SNX29: variants seen among roughly 807,000 people sequenced by gnomAD.
The protein encoded by SNX29 is sorting nexin 29.
A neutral mutation model predicts 102.1 loss-of-function variants in SNX29; 78 were observed. The ratio of observed to expected loss-of-function variants is 0.76; its 90% confidence interval spans 0.64 to 0.92. The LOEUF (loss-of-function observed/expected upper bound fraction) is 0.92. Among genes scored for constraint, SNX29 ranks in the 40% least tolerant of loss-of-function variants. SNX29 has a pLI of 0.00. For missense variants in SNX29, 1,280 were observed against 1,061.7 expected (o/e 1.21, Z -2.86); for synonymous variants, 580 against 414.5 (o/e 1.40, Z -4.85).
chr16:12,469,600 G>A (rs58463230), intron 18 of SNX29, among the ~76,000 whole-genome samples: 10,593 of 152,256 alleles, frequency 0.07, 560 homozygotes, highest in East Asian at 0.16. Context: ...AAAAGATGTG[G>A]TATAGGCTTT....
chr16:12,321,268 C>A (rs1168979858), intron 15 of SNX29, among the ~76,000 whole-genome samples: 1 of 152,182 alleles, frequency 6.6e-6, no homozygotes, highest in Non-Finnish European at 1.5e-5. Context: ...TTGTCTTCTC[C>A]AGCGGCCACC....
At chr16:12,225,997 G>A (rs2077601215) in intron 14 of SNX29, among the ~76,000 whole-genome samples, 1 of 152,130 alleles carries the variant, frequency 6.6e-6, no homozygotes, top group Non-Finnish European at 1.5e-5. Context: ...TCATCCTCCG[G>A]CATTCTAGCA....
At chr16:12,059,189 C>G (rs1285153305) in intron 8 of SNX29, among the ~76,000 whole-genome samples, 2 of 152,118 alleles carry the variant, frequency 1.3e-5, no homozygotes, top group African/African-American at 4.8e-5. Context: ...GGGGAAGGGT[C>G]AAGAATTATC....
chr16:12,500,618 A>G (rs1164091179), intron 19 of SNX29, among the ~76,000 whole-genome samples: 1 of 152,256 alleles, frequency 6.6e-6, no homozygotes, highest in African/African-American at 2.4e-5. Flanking sequence ...GAATGATTCT[A>G]CAATTTTATC....
intron 4 of SNX29, among the ~76,000 whole-genome samples, chr16:12,031,472 C>G (rs966576439): frequency 6.6e-6 from 1 of 151,986 alleles, no homozygotes; most frequent in South Asian, 2.1e-4. Context: ...TTCCCCAGCT[C>G]TCACCCAAGC....
At chr16:11,982,064 G>A (rs985033355) in intron 1 of SNX29, among the ~76,000 whole-genome samples, 2 of 151,706 alleles carry the variant, frequency 1.3e-5, no homozygotes, top group African/African-American at 4.8e-5. Context: ...AAAGCAGGGT[G>A]TAGAATTATA....
intron 18 of SNX29, among the ~76,000 whole-genome samples, chr16:12,422,856 A>T (rs950731371): frequency 6.6e-6 from 1 of 152,234 alleles, no homozygotes; most frequent in Non-Finnish European, 1.5e-5. Context: ...TGGGATTCAC[A>T]GTCTCTCAGG....
intron 13 of SNX29, among the ~76,000 whole-genome samples, chr16:12,145,813 G>C (rs2055044158): frequency 6.6e-6 from 1 of 152,226 alleles, no homozygotes; most frequent in South Asian, 2.1e-4. Flanking sequence ...GTTTGGATAT[G>C]TCCTTGTTTC....
chr16:12,572,515 G>A lies in SNX29; in HGVS notation c.*3886G>A, dbSNP rs552561419. The A allele has an allele frequency of 6.0e-5, 64 of 1,064,036 alleles. No homozygotes were observed. Among genetic ancestry groups the A allele is most frequent in the African/African-American group, 2.3e-4 (14 of 61,072 alleles). 65.9% of individuals were successfully genotyped at this position (1,064,036 alleles called of 1,614,324 possible). A position where few individuals can be genotyped will look rare whatever the true frequency, so the allele number is the denominator to read the frequency against. ...CCAGGCCTCGGCCTTCCTGCTCCAC[G>A]TGCTCAAGCCCCCACAGGGGGCTGC... On this transcript the variant is annotated 3_prime_UTR_variant, in exon 21 of 21. Transcript: ENST00000566228.
At chr16:12,541,293 A>G (rs1180549682) in intron 20 of SNX29, among the ~76,000 whole-genome samples, 1 of 152,180 alleles carries the variant, frequency 6.6e-6, no homozygotes, top group Non-Finnish European at 1.5e-5. Context: ...TACCACTAAC[A>G]GTGGGGATGG....
intron 11 of SNX29, among the ~76,000 whole-genome samples, chr16:12,091,276 C>T (rs545039635): frequency 6.6e-6 from 1 of 152,154 alleles, no homozygotes; most frequent in East Asian, 1.9e-4. Flanking sequence ...CCTTGCCGTT[C>T]CTGGAGACCC....
intron 15 of SNX29, among the ~76,000 whole-genome samples, chr16:12,312,911 T>C (rs1596864388): frequency 1.3e-5 from 2 of 152,118 alleles, no homozygotes; most frequent in East Asian, 3.9e-4. Flanking sequence ...CACAGAAGGC[T>C]GTGTGGCTTG....
chr16:12,486,885 C>G (rs988437240), intron 19 of SNX29, among the ~76,000 whole-genome samples: 6 of 152,166 alleles, frequency 3.9e-5, no homozygotes, highest in African/African-American at 1.4e-4. Context: ...TAATCCTAAA[C>G]TTGTGGGGTG....
At chr16:12,518,563 C>G (rs1002210470) in intron 19 of SNX29, among the ~76,000 whole-genome samples, 2 of 152,212 alleles carry the variant, frequency 1.3e-5, no homozygotes, top group African/African-American at 2.4e-5. Flanking sequence ...CTCTCCAGCC[C>G]TCCTGCAAAC....
intron 20 of SNX29, among the ~76,000 whole-genome samples, chr16:12,557,917 G>T (rs938543413): frequency 2.0e-4 from 30 of 152,124 alleles, no homozygotes; most frequent in Admixed American, 1.6e-3. Flanking sequence ...AAGTCGTCAG[G>T]GCAGGCAGGC....
At chr16:12,165,119 TTGGAGACATAC>T (rs1208471189) in intron 13 of SNX29, among the ~76,000 whole-genome samples, 1 of 152,236 alleles carries the variant, frequency 6.6e-6, no homozygotes, top group Non-Finnish European at 1.5e-5. Flanking sequence ...AGCAGAACTT[TTGGAGACATAC>T]TGGCATCTTA....
Position 12,042,699 on chromosome 16 carries a change from TACC to T in SNX29, c.248-195_248-193del, listed in dbSNP as rs553228934. Among the ~76,000 whole-genome samples, 524 of 152,372 alleles carry T rather than the reference TACC, an allele frequency of 3.4e-3. 2 individuals are homozygous for T. Among genetic ancestry groups the T allele is most frequent in the African/African-American group, 0.012 (507 of 41,582 alleles). ...TGCATAGTATTCCATTGTGTAAATG[TACC>T]ACATTTTGTTTATCCAGTCCACTAT... On this transcript the variant is annotated intron_variant, in intron 4 of 20. Transcript: ENST00000566228.
chr16:12,151,029 T>G (rs898913311), intron 13 of SNX29, among the ~76,000 whole-genome samples: 16 of 152,212 alleles, frequency 1.1e-4, no homozygotes, highest in African/African-American at 3.6e-4. Context: ...AATGTTAATA[T>G]GTTTGTTTCT....
At chr16:12,084,551 G>A (rs2052067662) in intron 11 of SNX29, among the ~76,000 whole-genome samples, 1 of 152,204 alleles carries the variant, frequency 6.6e-6, no homozygotes, top group African/African-American at 2.4e-5. Flanking sequence ...ACCTGGGGTT[G>A]GAGTTGCAGC....
Sources: gnomAD v4.1 joint callset for allele counts (sites outside exome capture counted in the v4.1 genomes callset) on GRCh38, gnomAD v4.1.1 for gene constraint, MANE v1.5 for transcripts, NCBI Gene and HGNC (gene_info 2026-07-23, HGNC 2026-07-21) for gene names.